Variants in BTBD8 observed in about 807,000 individuals in gnomAD.
The protein encoded by BTBD8 is BTB domain containing 8.
A neutral mutation model predicts 162.9 loss-of-function variants in BTBD8; 110 were observed. The observed-to-expected ratio is 0.68, with a 90% CI of 0.58 to 0.79. The LOEUF (loss-of-function observed/expected upper bound fraction) is 0.79, where lower values mean the gene tolerates loss of function less well. Among genes scored for constraint, BTBD8 ranks in the 30% least tolerant of loss-of-function variants. The pLI, the probability that BTBD8 is intolerant of heterozygous loss-of-function variation, is 0.00. For missense variants in BTBD8, 1,905 were observed against 2,085.4 expected, an observed-to-expected ratio of 0.91 and a Z score of 1.68; for synonymous variants, 667 against 716.1, an observed-to-expected ratio of 0.93 and a Z score of 1.10.
At chr1:92,178,483 A>G (rs1460271754) in intron 16 of BTBD8, 32 bp downstream of exon 16, 4 of 1,515,214 alleles carry the variant, frequency 2.6e-6, no homozygotes, top group African/African-American at 2.8e-5. Context: ...ATATCTTGAA[A>G]TTATTTCCTT....
chr1:92,150,966 A>G (rs1408063040), intron 9 of BTBD8: 1 of 152,216 alleles, frequency 6.6e-6, no homozygotes, highest in Non-Finnish European at 1.5e-5. Context: ...TGAACCCTGA[A>G]GGATAACATC....
intron 4 of BTBD8, among the ~76,000 whole-genome samples, chr1:92,123,698 A>G (rs1334067860): frequency 7.1e-6 from 1 of 141,124 alleles, no homozygotes; most frequent in African/African-American, 2.7e-5. Context: ...AATGGCGTGA[A>G]CCCGGGAGGT....
chr1:92,173,619 A>G (rs1370945059), intron 13 of BTBD8, among the ~76,000 whole-genome samples: 1 of 152,196 alleles, frequency 6.6e-6, no homozygotes, highest in African/African-American at 2.4e-5. Context: ...GTTAAGAACA[A>G]TGGGAAGGAA....
rs561756033 is a variant in BTBD8 at position 92,086,331 on chromosome 1, G to T, written c.150-2367G>T. Among the ~76,000 whole-genome samples, 214 of 152,088 alleles carry T rather than the reference G, an allele frequency of 1.4e-3. 3 individuals are homozygous for T. The highest frequency in any genetic ancestry group is 1.8e-4 in the Non-Finnish European group (12 of 68,020). Reference sequence around the variant, plus strand: ...CACAAGGGGTTTTAGACCCTGGACCGCAGACATGTTCCAAAATCTTTTACA... The same window carrying T: ...CACAAGGGGTTTTAGACCCTGGACCTCAGACATGTTCCAAAATCTTTTACA... On this transcript the variant is annotated intron_variant, in intron 1 of 17. Coordinates refer to ENST00000636805, the MANE Select transcript of BTBD8 (RefSeq NM_001376131.1).
At chr1:92,099,854 T>C (rs1648542604) in intron 2 of BTBD8, among the ~76,000 whole-genome samples, 1 of 152,202 alleles carries the variant, frequency 6.6e-6, no homozygotes, top group Admixed American at 6.5e-5. Flanking sequence ...TAGATGCCTT[T>C]TATTTCTTTT....
At chr1:92,102,337 T>C (rs1346829883) in intron 2 of BTBD8, 136 bp from the exon 3 acceptor site, 1 of 796,892 alleles carries the variant, frequency 1.3e-6, no homozygotes, top group Non-Finnish European at 1.7e-6. Context: ...CTATTTTAGA[T>C]TGACCTTTCT....
At chr1:92,099,796 A>C (rs181839735) in intron 2 of BTBD8, among the ~76,000 whole-genome samples, 2 of 152,200 alleles carry the variant, frequency 1.3e-5, no homozygotes, top group Non-Finnish European at 2.9e-5. Context: ...TATCTATACA[A>C]ATTTGTCATC....
chr1:92,175,606 G>A (rs1020478920), intron 13 of BTBD8, among the ~76,000 whole-genome samples: 8 of 151,602 alleles, frequency 5.3e-5, no homozygotes, highest in Admixed American at 4.6e-4. Flanking sequence ...ATCAGCCTGG[G>A]CAACACGGTG....
intron 4 of BTBD8, chr1:92,115,232 C>T: frequency 2.0e-6 from 1 of 488,216 alleles, no homozygotes; most frequent in Admixed American, 2.6e-5. Flanking sequence ...CACAGTTTCC[C>T]AGAGGGGCCA....
chr1:92,159,174 C>CTT (rs567328682), intron 9 of BTBD8, among the ~76,000 whole-genome samples: 24 of 142,160 alleles, frequency 1.7e-4, no homozygotes, highest in African/African-American at 6.0e-4. Context: ...TTCTTTCTTT[C>CTT]TTTTTTTTTT....
chr1:92,171,576 T>C, intron 13 of BTBD8, 116 bp downstream of exon 13: 1 of 640,910 alleles, frequency 1.6e-6, no homozygotes. Context: ...AAGCTATTTC[T>C]TAATGGAAAA....
intron 9 of BTBD8, among the ~76,000 whole-genome samples, chr1:92,165,019 G>A (rs1257207201): frequency 6.6e-6 from 1 of 151,308 alleles, no homozygotes; most frequent in East Asian, 2.0e-4. Flanking sequence ...TACTTGAAAG[G>A]CTGAAGCAGG....
In BTBD8 at chr1:92,180,464, G is replaced by A. The variant is rs1483022; in HGVS notation, c.2781G>A (p.Lys927=). 0.63 allele frequency: 978,414 copies of A among 1,550,428 alleles called. 312,754 individuals carry two copies. The highest frequency in any genetic ancestry group is 0.96 in the East Asian group (39,326 of 40,896). The change falls in exon 17 of 18, where the codon AAG becomes AAA. Residue 927 remains lysine (K), a synonymous_variant. Coordinates refer to ENST00000636805, the MANE Select transcript of BTBD8 (RefSeq NM_001376131.1). ...TGCCTAAAAATCTAAATCAGTCAAA[G>A]AAAGGTGAAACTTTGAATAATAAAG... ...VAMPKNLNQS[K]KGETLNNKDS... is the part of the protein sequence containing the mutation.
At chr1:92,136,994 CAT>C (rs1215026082) in intron 5 of BTBD8, among the ~76,000 whole-genome samples, 2 of 152,102 alleles carry the variant, frequency 1.3e-5, no homozygotes, top group African/African-American at 4.8e-5. Flanking sequence ...TAAAAAGCCA[CAT>C]GTCTTGTGTC....
Position 92,141,102 on chromosome 1 carries a change from AT to A in BTBD8, c.834-8del. The A allele has an allele frequency of 6.5e-7, 1 of 1,535,410 alleles. No homozygotes were observed. On this transcript the variant is annotated splice_polypyrimidine_tract_variant and intron_variant, in intron 6 of 17. Transcript: ENST00000636805. ...AAATTGGAGAATTAACAGTGCATCTATTTTTATTTTAGTCAGATACTCAATA... is the reference window on the plus strand; with the variant it reads ...AAATTGGAGAATTAACAGTGCATCTATTTTATTTTAGTCAGATACTCAATA...
intron 4 of BTBD8, among the ~76,000 whole-genome samples, chr1:92,117,744 A>G (rs1461007667): frequency 1.3e-5 from 2 of 151,924 alleles, no homozygotes; most frequent in Non-Finnish European, 2.9e-5. Context: ...CTCCTATATC[A>G]TCTCCTCAGC....
At chr1:92,104,937 AT>A (rs11430885) in intron 3 of BTBD8, among the ~76,000 whole-genome samples, 13 of 147,740 alleles carry the variant, frequency 8.8e-5, no homozygotes, top group Admixed American at 2.0e-4. Context: ...CCTTATTATT[AT>A]TTTTTTTTTT....
intron 1 of BTBD8, among the ~76,000 whole-genome samples, chr1:92,081,578 C>CTT (rs200353236): frequency 6.8e-6 from 1 of 147,114 alleles, no homozygotes; most frequent in Admixed American, 6.8e-5. Context: ...CAGCATTCTA[C>CTT]TTTTTTTTTT....
intron 4 of BTBD8, among the ~76,000 whole-genome samples, chr1:92,128,441 G>A (rs952751330): frequency 6.6e-6 from 1 of 152,094 alleles, no homozygotes; most frequent in African/African-American, 2.4e-5. Context: ...ACCACGCCCG[G>A]CTAATTTTTT....
Sources: gnomAD v4.1 joint callset for allele counts (sites outside exome capture counted in the v4.1 genomes callset) on GRCh38, gnomAD v4.1.1 for gene constraint, MANE v1.5 for transcripts, NCBI Gene and HGNC (gene_info 2026-07-23, HGNC 2026-07-21) for gene names.